The following KDM2A variants were observed in gnomAD, a reference collection of about 807,000 sequenced individuals.
KDM2A encodes lysine-specific demethylase 2A.
Under a neutral mutation model 137.3 loss-of-function variants are expected in KDM2A, and 3 were observed. That is an observed-to-expected ratio of 0.02 (90% CI 0.01 to 0.06). KDM2A has a LOEUF of 0.06. Ranked by LOEUF, KDM2A falls within the 10% of genes least tolerant of loss-of-function variation. The pLI is 1.00. For missense variants in KDM2A, 738 were observed against 1,510.6 expected (o/e 0.49, Z 8.48); for synonymous variants, 512 against 541.5 (o/e 0.95, Z 0.76).
chr11:67,231,983 G>T, intron 12 of KDM2A, 23 bp downstream of exon 12: 1 of 1,580,776 alleles, frequency 6.3e-7, no homozygotes, highest in South Asian at 1.2e-5. Context: ...TGTGTTACAT[G>T]ACAGCTACTG....
chr11:67,136,945 A>T (rs1026660023), intron 2 of KDM2A, among the ~76,000 whole-genome samples: 1 of 152,242 alleles, frequency 6.6e-6, no homozygotes, highest in Non-Finnish European at 1.5e-5. Flanking sequence ...CATAGGCTGC[A>T]GTAACAGTAT....
At chr11:67,162,126 A>T (rs1856650696) in intron 2 of KDM2A, among the ~76,000 whole-genome samples, 1 of 152,162 alleles carries the variant, frequency 6.6e-6, no homozygotes. Context: ...AAATATAATG[A>T]TGGATAAATT....
intron 2 of KDM2A, among the ~76,000 whole-genome samples, chr11:67,139,939 A>C (rs932067714): frequency 5.3e-5 from 8 of 151,774 alleles, no homozygotes; most frequent in Admixed American, 4.6e-4. Context: ...CCTGACCTCA[A>C]CTGATGTGTG....
At chr11:67,243,344 T>C (rs1320993938) in intron 13 of KDM2A, among the ~76,000 whole-genome samples, 1 of 152,206 alleles carries the variant, frequency 6.6e-6, no homozygotes, top group East Asian at 1.9e-4. Context: ...AAATTGTGCA[T>C]TTGTGCATCC....
At position 67,245,248 on chromosome 11, in the gene KDM2A, C is replaced by T. The variant is rs775640061; in HGVS notation, c.1623C>T (p.His541=). 6.2e-7 allele frequency: 1 copy of T among 1,614,038 alleles called. No homozygotes were observed. Among genetic ancestry groups the T allele is most frequent in the Admixed American group, 1.7e-5 (1 of 60,026 alleles). The change falls in exon 14 of 21, where the codon CAC becomes CAT. Residue 541 remains histidine, a synonymous_variant. Coordinates refer to ENST00000529006, the MANE Select transcript of KDM2A (RefSeq NM_012308.3). This position sits in a 1 kb window ranked among gnomAD's most constrained non-coding sequence, Gnocchi z 4.1. ...CTACCATCCCCATTACGAAGCCTCA[C>T]ACTATGAAACCAGCTCCACGGTTAA... ...RVPTIPITKP[H]TMKPAPRLTP...
intron 2 of KDM2A, among the ~76,000 whole-genome samples, chr11:67,127,217 A>G (rs1383069902): frequency 6.6e-6 from 1 of 152,150 alleles, no homozygotes; most frequent in African/African-American, 2.4e-5. Context: ...CCATCTCAGC[A>G]TGTAGCTGGG....
At chr11:67,206,146 C>G (rs1857798895) in intron 5 of KDM2A, among the ~76,000 whole-genome samples, 1 of 152,126 alleles carries the variant, frequency 6.6e-6, no homozygotes, top group South Asian at 2.1e-4. Flanking sequence ...AAACTTAGGT[C>G]TCAGGCAGGT....
At chr11:67,207,178 TG>T (rs1204533585) in intron 5 of KDM2A, among the ~76,000 whole-genome samples, 3 of 152,214 alleles carry the variant, frequency 2.0e-5, no homozygotes, top group African/African-American at 7.2e-5. Flanking sequence ...TGCTTTGTTC[TG>T]TAAGTTACCT....
chr11:67,121,108 A>G (rs866079223), intron 1 of KDM2A, 126 bp from the exon 2 acceptor site: 3 of 569,932 alleles, frequency 5.3e-6, no homozygotes, highest in East Asian at 2.9e-5. Flanking sequence ...AAAGGTCCCA[A>G]ACTCATGAAG....
At chr11:67,244,614 G>C (rs1859149316) in intron 13 of KDM2A, among the ~76,000 whole-genome samples, 1 of 152,164 alleles carries the variant, frequency 6.6e-6, no homozygotes. Context: ...TTTCTGTAAA[G>C]GTCAAGATAG....
At chr11:67,224,461 C>CTT (rs35180780) in intron 10 of KDM2A, among the ~76,000 whole-genome samples, 2,764 of 95,018 alleles carry the variant, frequency 0.029, 182 homozygotes, top group African/African-American at 0.043. Flanking sequence ...TAACCCCTTT[C>CTT]TTTTTTTTTT....
intron 2 of KDM2A, among the ~76,000 whole-genome samples, chr11:67,144,117 T>A (rs1042605431): frequency 2.0e-5 from 3 of 151,292 alleles, no homozygotes; most frequent in African/African-American, 7.3e-5. Context: ...TATTTTTGTA[T>A]TTTTTTTAGT....
intron 12 of KDM2A, among the ~76,000 whole-genome samples, chr11:67,234,559 A>T (rs1290549098): frequency 6.6e-6 from 1 of 152,226 alleles, no homozygotes; most frequent in Admixed American, 6.5e-5. Context: ...TTAAGTGAAA[A>T]AATAGGACAT....
At chr11:67,148,704 G>A (rs1410608331) in intron 2 of KDM2A, among the ~76,000 whole-genome samples, 9 of 152,230 alleles carry the variant, frequency 5.9e-5, no homozygotes, top group South Asian at 4.1e-4. Context: ...GGGAGGCTGA[G>A]GCAGGAGAAT....
chr11:67,193,503 C>G (rs1211463452), intron 5 of KDM2A, among the ~76,000 whole-genome samples: 1 of 152,156 alleles, frequency 6.6e-6, no homozygotes, highest in Non-Finnish European at 1.5e-5. Flanking sequence ...AGTTAATACA[C>G]ATAAAGTGCT....
intron 2 of KDM2A, among the ~76,000 whole-genome samples, chr11:67,144,160 G>T (rs935205253): frequency 6.6e-6 from 1 of 151,680 alleles, no homozygotes; most frequent in Middle Eastern, 3.4e-3. Flanking sequence ...GCCCAGGCTG[G>T]TCTCAAACTC....
In KDM2A at chr11:67,255,344, G is replaced by A. The variant is rs917990468; in HGVS notation, c.*289G>A. 3.4e-5 allele frequency: 16 copies of A among 475,414 alleles called. No homozygotes were observed. The highest frequency in any genetic ancestry group is 5.1e-5 in the Non-Finnish European group (13 of 252,758). 29.4% of individuals were successfully genotyped at this position (475,414 alleles called of 1,614,324 possible). A position where few individuals can be genotyped will look rare whatever the true frequency, so the allele number is the denominator to read the frequency against. On this transcript the variant is annotated 3_prime_UTR_variant, in exon 21 of 21. Coordinates refer to ENST00000529006, the MANE Select transcript of KDM2A (RefSeq NM_012308.3). ...TCGCTTACTCGCCTGCCAGGAGGCC[G>A]GGCTCTCAGTTTGGGGTGTTTGTGC... is the stretch of plus-strand genomic sequence containing the variant.
At chr11:67,123,376 C>A (rs1463476065) in intron 2 of KDM2A, among the ~76,000 whole-genome samples, 1 of 138,326 alleles carries the variant, frequency 7.2e-6, no homozygotes, top group African/African-American at 2.7e-5. Flanking sequence ...AGCCTAATTT[C>A]AGAGATTTGT....
rs959283542 is a variant in KDM2A at position 67,201,119 on chromosome 11, G to A, written c.308-6391G>A. The stretch of plus-strand genomic sequence containing the variant: ...TGAGGCAGGAGAATGGCGTGAACCC[G>A]GGAGGCGGAGCTTGCAGTGAGCCGA... On this transcript the variant is annotated intron_variant, in intron 5 of 20. Transcript: ENST00000529006. Among the ~76,000 whole-genome samples the A allele has an allele frequency of 9.2e-5, 14 of 151,640 alleles. No individual in the cohort carries two copies. In the South Asian group the frequency reaches 1.5e-3, roughly 16 times the overall value.
Sources: gnomAD v4.1 joint callset for allele counts (sites outside exome capture counted in the v4.1 genomes callset) on GRCh38, gnomAD v4.1.1 for gene constraint, Gnocchi (gnomAD v3.1) non-coding constraint, MANE v1.5 for transcripts, NCBI Gene and HGNC (gene_info 2026-07-23, HGNC 2026-07-21) for gene names.